PRSS23: variants seen among roughly 807,000 people sequenced by gnomAD.
PRSS23 encodes the protein serine protease 23, also known as protease, serine 23.
PRSS23 carries 25 observed loss-of-function variants against 34.7 expected under a neutral mutation model. The observed-to-expected ratio is 0.72, with a 90% CI of 0.53 to 1.01. The LOEUF (loss-of-function observed/expected upper bound fraction) is 1.01. PRSS23 is among the 50% of genes least tolerant of loss of function. The probability of loss-of-function intolerance (pLI) is 0.00; values close to 1 mark genes in which losing one functional copy is unlikely to be tolerated. For synonymous variants in PRSS23, 176 were observed against 186.6 expected (o/e 0.94, Z 0.46); for missense variants, 445 against 475.6 (o/e 0.94, Z 0.60).
At chr11:86,832,274 G>A (rs2134890361) in intron 2 of PRSS23, among the ~76,000 whole-genome samples, 1 of 152,090 alleles carries the variant, frequency 6.6e-6, no homozygotes, top group Admixed American at 6.5e-5. Context: ...GGGTAAATAT[G>A]ACTTCTAATA....
downstream of PRSS23, among the ~76,000 whole-genome samples, chr11:86,815,425 T>G (rs1948208402): frequency 6.6e-6 from 1 of 152,242 alleles, no homozygotes; most frequent in African/African-American, 2.4e-5. Flanking sequence ...AGGTTCTCAA[T>G]AAATAATGTT....
At chr11:86,913,199 T>A (rs1042072289) in intron 2 of PRSS23, among the ~76,000 whole-genome samples, 4 of 151,670 alleles carry the variant, frequency 2.6e-5, no homozygotes, top group African/African-American at 9.7e-5. Context: ...TCCCTCTTAT[T>A]CTTCTATTTG....
chr11:86,862,856 AC>A (rs35434034), intron 2 of PRSS23, among the ~76,000 whole-genome samples: 46,934 of 151,708 alleles, frequency 0.31, 7,488 homozygotes, highest in Non-Finnish European at 0.35. Flanking sequence ...GGTGATGTAC[AC>A]CCTGTGATAT....
intron 2 of PRSS23, among the ~76,000 whole-genome samples, chr11:86,866,395 G>T (rs1948649737): frequency 6.6e-6 from 1 of 152,146 alleles, no homozygotes; most frequent in East Asian, 1.9e-4. Context: ...TGCATGCAGG[G>T]TAAAATGACA....
intron 2 of PRSS23, among the ~76,000 whole-genome samples, chr11:86,895,087 G>T (rs1590917588): frequency 6.6e-6 from 1 of 152,146 alleles, no homozygotes; most frequent in East Asian, 1.9e-4. Flanking sequence ...GAGAATTCTG[G>T]CTTTTAAGTC....
At chr11:86,924,625 A>G (rs1949068705) in intron 2 of PRSS23, among the ~76,000 whole-genome samples, 1 of 152,200 alleles carries the variant, frequency 6.6e-6, no homozygotes, top group African/African-American at 2.4e-5. Context: ...AGTTTACTCA[A>G]CTGGAAAAGA....
At chr11:86,865,224 C>T (rs1421455778) in intron 2 of PRSS23, among the ~76,000 whole-genome samples, 1 of 152,176 alleles carries the variant, frequency 6.6e-6, no homozygotes, top group African/African-American at 2.4e-5. Context: ...GCTTTGGAGC[C>T]AGGCAAGTTG....
Position 86,808,353 on chromosome 11 carries a change from A to G in PRSS23, c.710A>G (p.Asn237Ser), listed in dbSNP as rs755133345. ...THVPKGWIKG[N>S]ANDIGMDYDY... is the part of the protein sequence containing the mutation. ...GTGCCCAAGGGTTGGATCAAGGGCA[A>G]TGCCAATGACATCGGCATGGATTAT... The change falls in exon 2 of 2, where the codon AAT (asparagine) becomes AGT (serine). Residue 237 changes from asparagine (N) to serine (S), a missense_variant. Coordinates refer to ENST00000280258, the MANE Select transcript of PRSS23 (RefSeq NM_007173.6). 5.0e-6 allele frequency: 8 copies of G among 1,614,228 alleles called. 1 individual carries two copies. The South Asian group carries it at 7.7e-5, about 16-fold the overall frequency.
At chr11:86,916,777 G>A (rs1296832517) in intron 2 of PRSS23, among the ~76,000 whole-genome samples, 5 of 151,948 alleles carry the variant, frequency 3.3e-5, no homozygotes, top group African/African-American at 7.2e-5. Flanking sequence ...TTTGACCCCC[G>A]GTGTATAAAC....
chr11:86,800,422 A>T (rs75598148), upstream of PRSS23: 1 of 979,394 alleles, frequency 1.0e-6, no homozygotes, highest in Non-Finnish European at 1.2e-6. Context: ...GGCACGGTTT[A>T]TGTGCAGTGG....
At chr11:86,929,706 A>G (rs951320710) in intron 2 of PRSS23, among the ~76,000 whole-genome samples, 11 of 152,232 alleles carry the variant, frequency 7.2e-5, no homozygotes, top group Non-Finnish European at 1.5e-4. Context: ...TTATGCTTCA[A>G]GTGTTCTCAC....
chr11:86,938,540 G>A (rs1237986612), intron 2 of PRSS23, among the ~76,000 whole-genome samples: 1 of 152,176 alleles, frequency 6.6e-6, no homozygotes, highest in Non-Finnish European at 1.5e-5. Flanking sequence ...CTAGAGCATA[G>A]GGTGTGTCTG....
At chr11:86,829,103 C>G (rs1948328695) in intron 2 of PRSS23, among the ~76,000 whole-genome samples, 1 of 152,176 alleles carries the variant, frequency 6.6e-6, no homozygotes, top group South Asian at 2.1e-4. Flanking sequence ...CAACTTGGTT[C>G]CATTCTCCCC....
chr11:86,861,277 C>T (rs1401011759), intron 2 of PRSS23, among the ~76,000 whole-genome samples: 5 of 151,560 alleles, frequency 3.3e-5, no homozygotes, highest in Non-Finnish European at 5.9e-5. Flanking sequence ...GGGTGTCCAC[C>T]CCCCTGTGAT....
At chr11:86,879,769 G>A (rs1590909915) in intron 2 of PRSS23, among the ~76,000 whole-genome samples, 2 of 137,920 alleles carry the variant, frequency 1.5e-5, no homozygotes, top group Non-Finnish European at 3.2e-5. Flanking sequence ...CCGGGAGGGA[G>A]GTGGGGGGGT....
At chr11:86,881,714 C>A (rs1231571497) in intron 2 of PRSS23, among the ~76,000 whole-genome samples, 2 of 152,082 alleles carry the variant, frequency 1.3e-5, no homozygotes, top group Non-Finnish European at 2.9e-5. Context: ...CCAGTGAAAT[C>A]ATCTGGTCCT....
intron 1 of PRSS23, among the ~76,000 whole-genome samples, chr11:86,818,013 T>C (rs530019938): frequency 2.0e-3 from 303 of 152,288 alleles, no homozygotes; most frequent in Non-Finnish European, 3.2e-3. Context: ...TGCCTCCAGA[T>C]TGGGAGTCAG....
At chr11:86,888,074 AACAC>A (rs1329030367) in intron 2 of PRSS23, among the ~76,000 whole-genome samples, 28 of 151,370 alleles carry the variant, frequency 1.8e-4, no homozygotes, top group African/African-American at 6.1e-4. Context: ...CAAAAACAAA[AACAC>A]ACACACACAA....
intron 1 of PRSS23, among the ~76,000 whole-genome samples, chr11:86,822,776 G>A (rs1003464094): frequency 6.6e-6 from 1 of 152,164 alleles, no homozygotes; most frequent in African/African-American, 2.4e-5. Context: ...GGCTGGAGGT[G>A]ATTCTGTTAG....
Sources: allele counts gnomAD v4.1 joint callset (sites outside exome capture counted in the v4.1 genomes callset), GRCh38; gene constraint gnomAD v4.1.1; transcripts MANE v1.5; gene names NCBI Gene and HGNC (gene_info 2026-07-23, HGNC 2026-07-21).